PARD3B: variants seen among roughly 807,000 people sequenced by gnomAD.
PARD3B encodes partitioning defective 3 homolog B.
Under a neutral mutation model 130.2 loss-of-function variants are expected in PARD3B, and 103 were observed. The observed-to-expected ratio is 0.79, with a 90% CI of 0.67 to 0.93. The LOEUF (loss-of-function observed/expected upper bound fraction) is 0.93, where lower values mean the gene tolerates loss of function less well. PARD3B is among the 40% of genes least tolerant of loss of function. The probability of loss-of-function intolerance (pLI) is 0.00; values close to 1 mark genes in which losing one functional copy is unlikely to be tolerated. For synonymous variants in PARD3B, 583 were observed against 553.2 expected (o/e 1.05, Z -0.76); for missense variants, 1,609 against 1,499.2 (o/e 1.07, Z -1.21).
At chr2:205,518,181 AGGAGTCTCCTACTATTATTGTGTG>A (rs1326287857) in intron 21 of PARD3B, among the ~76,000 whole-genome samples, 7 of 152,078 alleles carry the variant, frequency 4.6e-5, no homozygotes, top group Non-Finnish European at 1.0e-4. Flanking sequence ...AGTGGAGTGT[AGGAGTCTCCTACTATTATTGTGTG>A]GGAGTCTATG....
chr2:205,113,189 TA>T (rs1703764830), intron 5 of PARD3B, among the ~76,000 whole-genome samples: 1 of 152,186 alleles, frequency 6.6e-6, no homozygotes, highest in African/African-American at 2.4e-5. Context: ...GTACCTCTTT[TA>T]AAATATGTTG....
At chr2:204,665,322 C>T (rs78102243) in intron 1 of PARD3B, among the ~76,000 whole-genome samples, 3,945 of 152,190 alleles carry the variant, frequency 0.026, 77 homozygotes, top group Middle Eastern at 0.038. Flanking sequence ...CTGTTTGGCT[C>T]CTGTTAAAAG....
At chr2:204,891,242 C>T (rs2046434980) in intron 2 of PARD3B, among the ~76,000 whole-genome samples, 1 of 151,124 alleles carries the variant, frequency 6.6e-6, no homozygotes, top group African/African-American at 2.4e-5. Flanking sequence ...GGAATCATCT[C>T]CCCATAGCTC....
At chr2:204,552,021 A>C (rs1181547823) in intron 1 of PARD3B, among the ~76,000 whole-genome samples, 1 of 152,228 alleles carries the variant, frequency 6.6e-6, no homozygotes, top group Non-Finnish European at 1.5e-5. Context: ...TGCCTAGTGC[A>C]ACTGAGGAAC....
At position 204,887,588 on chromosome 2, in the gene PARD3B, A is replaced by G. The variant is rs1212973719; in HGVS notation, c.223-77564A>G. Among the ~76,000 whole-genome samples the G allele has an allele frequency of 6.6e-6, 1 of 152,196 alleles. No homozygotes were observed. The highest frequency in any genetic ancestry group is 1.5e-5 in the Non-Finnish European group (1 of 68,036). On this transcript the variant is annotated intron_variant, in intron 2 of 22. Coordinates refer to ENST00000406610, the MANE Select transcript of PARD3B (RefSeq NM_001302769.2). This position sits in a 1 kb window ranked among gnomAD's most constrained non-coding sequence, Gnocchi z 4.2. ...GAGATGGCAAACTAACCTATAAATT[A>G]AAAGAAGCCCAAACTGCTGTAGATG...
chr2:205,168,850 A>G (rs1414972351), intron 11 of PARD3B, among the ~76,000 whole-genome samples: 2 of 151,964 alleles, frequency 1.3e-5, no homozygotes, highest in Non-Finnish European at 2.9e-5. Flanking sequence ...GGGGCTTGTC[A>G]TTGTCATCTA....
At chr2:204,685,688 A>C (rs116421474) in intron 1 of PARD3B, among the ~76,000 whole-genome samples, 228 of 152,250 alleles carry the variant, frequency 1.5e-3, no homozygotes, top group African/African-American at 5.2e-3. Context: ...CTGAACATGG[A>C]GATTTAAACA....
At chr2:204,834,478 T>C (rs1375759461) in intron 2 of PARD3B, among the ~76,000 whole-genome samples, 1 of 152,204 alleles carries the variant, frequency 6.6e-6, no homozygotes, top group Non-Finnish European at 1.5e-5. Context: ...TACATTATAA[T>C]GGTATTGAGC....
intron 11 of PARD3B, among the ~76,000 whole-genome samples, chr2:205,162,575 A>G (rs766042898): frequency 6.6e-6 from 1 of 152,260 alleles, no homozygotes; most frequent in Non-Finnish European, 1.5e-5. Flanking sequence ...ACTAAAATAT[A>G]CTAAATACAA....
At chr2:204,709,314 A>T (rs2038327153) in intron 2 of PARD3B, among the ~76,000 whole-genome samples, 1 of 152,200 alleles carries the variant, frequency 6.6e-6, no homozygotes, top group Non-Finnish European at 1.5e-5. Context: ...GCAGTATTTT[A>T]TGTGAGAGAA....
At chr2:205,539,461 G>A (rs2052021576) in intron 21 of PARD3B, among the ~76,000 whole-genome samples, 1 of 152,178 alleles carries the variant, frequency 6.6e-6, no homozygotes, top group Non-Finnish European at 1.5e-5. Flanking sequence ...TCATCCTCTA[G>A]AGCAGGTATG....
intron 1 of PARD3B, among the ~76,000 whole-genome samples, chr2:204,562,656 C>A (rs2031393552): frequency 6.6e-6 from 1 of 151,980 alleles, no homozygotes; most frequent in Non-Finnish European, 1.5e-5. Context: ...GGATTACTTC[C>A]TTTTGTAGCA....
At chr2:205,239,707 T>G (rs2039264959) in intron 15 of PARD3B, among the ~76,000 whole-genome samples, 2 of 152,198 alleles carry the variant, frequency 1.3e-5, no homozygotes, top group South Asian at 4.1e-4. Flanking sequence ...TGGATAACGA[T>G]GAAGGGAATA....
intron 2 of PARD3B, among the ~76,000 whole-genome samples, chr2:204,783,729 G>A (rs73066610): frequency 0.017 from 2,562 of 152,184 alleles, 66 homozygotes; most frequent in African/African-American, 0.057. Context: ...CTCACTCAAA[G>A]GCACAGTAGT....
chr2:205,254,991 C>G (rs528170282), intron 16 of PARD3B, among the ~76,000 whole-genome samples: 2 of 152,132 alleles, frequency 1.3e-5, no homozygotes, highest in South Asian at 2.1e-4. Flanking sequence ...ACCAGTTATA[C>G]GAATGCTTCC....
At position 205,608,486 on chromosome 2, in the gene PARD3B, T is replaced by G. The variant is rs117365293; in HGVS notation, c.3261-6970T>G. Among the ~76,000 whole-genome samples the G allele has an allele frequency of 5.0e-3, 757 of 152,328 alleles. 21 individuals are homozygous for G. In the East Asian group the frequency reaches 0.096, roughly 19 times the overall value. Reference sequence around the variant, plus strand: ...ACCATGGGGTAATGATATGCAGGTATCGTTCAAATGGATTGCATGACTGTT... The same window carrying G: ...ACCATGGGGTAATGATATGCAGGTAGCGTTCAAATGGATTGCATGACTGTT... On this transcript the variant is annotated intron_variant, in intron 22 of 22. Coordinates refer to ENST00000406610, the MANE Select transcript of PARD3B (RefSeq NM_001302769.2).
At chr2:205,090,123 A>G (rs573872839) in intron 4 of PARD3B, among the ~76,000 whole-genome samples, 1 of 152,342 alleles carries the variant, frequency 6.6e-6, no homozygotes, top group Admixed American at 6.5e-5. Context: ...CTTATCTGTC[A>G]GGAAGCATGT....
rs945646719 is a variant in PARD3B, at chr2:205,397,273, G to A, written c.2631-3740G>A. On this transcript the variant is annotated intron_variant, in intron 18 of 22. Coordinates refer to ENST00000406610, the MANE Select transcript of PARD3B (RefSeq NM_001302769.2). The surrounding 1 kb of genome is among the most constrained non-coding windows in gnomAD (Gnocchi z 4.8). ...CTGGCTAATAAAATAAATTTCACAT[G>A]TATTTCTGCCCTTCTTATTGGAAAC... is the stretch of plus-strand genomic sequence containing the variant. Among the ~76,000 whole-genome samples the A allele has an allele frequency of 1.3e-5, 2 of 152,170 alleles. No homozygotes were observed. The highest frequency in any genetic ancestry group is 6.5e-5 in the Admixed American group (1 of 15,270).
rs749929878 is a variant in PARD3B at position 205,229,383 on chromosome 2, G to A, written c.2141-16395G>A. Among the ~76,000 whole-genome samples the A allele has an allele frequency of 5.3e-5, 8 of 152,216 alleles. No individual in the cohort carries two copies. The highest frequency in any genetic ancestry group is 1.2e-4 in the Non-Finnish European group (8 of 68,034). ...TAGGGGGCACCCCAAGCCCAGTAATGCTGTGACTCTTACAGACTTGTAGAG... is the reference window on the plus strand; with the variant it reads ...TAGGGGGCACCCCAAGCCCAGTAATACTGTGACTCTTACAGACTTGTAGAG... On this transcript the variant is annotated intron_variant, in intron 15 of 22. Transcript: ENST00000406610. This position sits in a 1 kb window ranked among gnomAD's most constrained non-coding sequence, Gnocchi z 5.2.
Sources: gnomAD v4.1 joint callset for allele counts (sites outside exome capture counted in the v4.1 genomes callset) on GRCh38, gnomAD v4.1.1 for gene constraint, Gnocchi (gnomAD v3.1) non-coding constraint, MANE v1.5 for transcripts, NCBI Gene and HGNC (gene_info 2026-07-23, HGNC 2026-07-21) for gene names.